TRAPPC9: variants seen among roughly 807,000 people sequenced by gnomAD.
TRAPPC9 encodes trafficking protein particle complex subunit 9.
TRAPPC9 carries 83 observed loss-of-function variants against 124.0 expected under a neutral mutation model. The ratio of observed to expected loss-of-function variants is 0.67; its 90% CI spans 0.56 to 0.80. The LOEUF is 0.80. TRAPPC9 is among the 30% of genes least tolerant of loss of function. TRAPPC9 has a pLI of 0.00. For synonymous variants in TRAPPC9, 638 were observed against 617.5 expected, an observed-to-expected ratio of 1.03 and a Z score of -0.49; for missense variants, 1,302 against 1,508.3, an observed-to-expected ratio of 0.86 and a Z score of 2.27.
intron 17 of TRAPPC9, among the ~76,000 whole-genome samples, chr8:140,157,026 T>C (rs1381588697): frequency 6.0e-4 from 60 of 99,936 alleles, no homozygotes; most frequent in East Asian, 1.4e-3. Flanking sequence ...GCCTCCCTTT[T>C]CCATTCAAAA....
chr8:140,095,929 C>T (rs1198438336), intron 17 of TRAPPC9: 1 of 152,210 alleles, frequency 6.6e-6, no homozygotes, highest in African/African-American at 2.4e-5. Context: ...CCACCACTTC[C>T]CAGCATGTAA....
At chr8:140,422,767 A>AG (rs1201688733) in intron 5 of TRAPPC9, among the ~76,000 whole-genome samples, 1 of 151,828 alleles carries the variant, frequency 6.6e-6, no homozygotes, top group East Asian at 1.9e-4. Flanking sequence ...AAAAAAAAAA[A>AG]AAACTGTTAC....
At chr8:139,800,102 G>T (rs190033900) in intron 21 of TRAPPC9, among the ~76,000 whole-genome samples, 1 of 152,360 alleles carries the variant, frequency 6.6e-6, no homozygotes, top group East Asian at 1.9e-4. Flanking sequence ...GGTGCCAAAA[G>T]ACGGAGAGGG....
At chr8:139,745,093 G>A (rs2130119428) in intron 21 of TRAPPC9, among the ~76,000 whole-genome samples, 1 of 152,354 alleles carries the variant, frequency 6.6e-6, no homozygotes, top group East Asian at 1.9e-4. Flanking sequence ...GGACCTGCTG[G>A]GGATGGTGGC....
At chr8:139,806,604 G>T (rs901076884) in intron 21 of TRAPPC9, among the ~76,000 whole-genome samples, 1 of 152,200 alleles carries the variant, frequency 6.6e-6, no homozygotes, top group Non-Finnish European at 1.5e-5. Flanking sequence ...AGCTGGGTCC[G>T]GCAGTAGCCG....
intron 15 of TRAPPC9, chr8:140,262,793 A>C (rs2131561504): frequency 6.6e-6 from 1 of 152,366 alleles, no homozygotes; most frequent in South Asian, 2.1e-4. Flanking sequence ...TGAATAATAC[A>C]AAGCCAAGTG....
intron 21 of TRAPPC9, among the ~76,000 whole-genome samples, chr8:139,749,439 TG>T (rs1056813020): frequency 2.0e-5 from 3 of 152,178 alleles, no homozygotes; most frequent in Non-Finnish European, 4.4e-5. Context: ...ATGAGAGCAA[TG>T]GGCTGAATGG....
intron 17 of TRAPPC9, among the ~76,000 whole-genome samples, chr8:140,185,755 C>T (rs541360491): frequency 2.0e-5 from 3 of 152,300 alleles, no homozygotes; most frequent in African/African-American, 7.2e-5. Flanking sequence ...CTCGGGAACC[C>T]GGCATTATTT....
chr8:139,825,571 G>A lies in TRAPPC9; in HGVS notation c.3055+60308C>T, dbSNP rs1825569389. Among the ~76,000 whole-genome samples, 1 of 152,194 alleles carries A rather than the reference G, an allele frequency of 6.6e-6. No homozygotes were observed. The highest frequency in any genetic ancestry group is 1.5e-5 in the Non-Finnish European group (1 of 68,040). On this transcript the variant is annotated intron_variant, in intron 21 of 22. Transcript: ENST00000438773. This position sits in a 1 kb window ranked among gnomAD's most constrained non-coding sequence, Gnocchi z 4.6. Reference sequence around the variant, plus strand: ...CTTAATCCCTTTGGGATCAATTAATGTTCCCAAGAAAAATGGAAATTTAAT... The same window carrying A: ...CTTAATCCCTTTGGGATCAATTAATATTCCCAAGAAAAATGGAAATTTAAT...
chr8:140,414,331 C>A (rs934422068), intron 5 of TRAPPC9, among the ~76,000 whole-genome samples: 1 of 152,102 alleles, frequency 6.6e-6, no homozygotes. Context: ...CCTAGGAGTT[C>A]GAGACCAGCA....
At chr8:140,385,783 T>C (rs1380414685) in intron 7 of TRAPPC9, among the ~76,000 whole-genome samples, 3 of 152,086 alleles carry the variant, frequency 2.0e-5, no homozygotes, top group Non-Finnish European at 2.9e-5. Context: ...TTCCAATCAA[T>C]AGAAAAAGAG....
chr8:139,809,121 G>A (rs1260589916), intron 21 of TRAPPC9, among the ~76,000 whole-genome samples: 1 of 152,178 alleles, frequency 6.6e-6, no homozygotes, highest in Non-Finnish European at 1.5e-5. Context: ...ACCCTTCTAA[G>A]GACTAGGAAA....
intron 17 of TRAPPC9, among the ~76,000 whole-genome samples, chr8:140,030,365 C>G (rs1165860167): frequency 6.6e-6 from 1 of 152,068 alleles, no homozygotes; most frequent in African/African-American, 2.4e-5. Flanking sequence ...TAATCATGTA[C>G]CAAAAACATC....
chr8:139,944,121 G>A (rs980282617), intron 19 of TRAPPC9, among the ~76,000 whole-genome samples: 3 of 152,156 alleles, frequency 2.0e-5, no homozygotes, highest in East Asian at 3.8e-4. Flanking sequence ...TATATCCAAT[G>A]AAAATATCCC....
intron 9 of TRAPPC9, among the ~76,000 whole-genome samples, chr8:140,333,057 C>G (rs2066935880): frequency 6.6e-6 from 1 of 150,452 alleles, no homozygotes; most frequent in East Asian, 2.0e-4. Context: ...ACCCGGGAGG[C>G]AGAGGTTGCA....
chr8:140,289,707 G>C (rs967859286), intron 12 of TRAPPC9, among the ~76,000 whole-genome samples: 9 of 151,980 alleles, frequency 5.9e-5, no homozygotes, highest in African/African-American at 2.2e-4. Flanking sequence ...GTGTAAGAAA[G>C]AGCAGCAGGC....
At chr8:140,393,391 A>G (rs1316815388) in intron 7 of TRAPPC9, among the ~76,000 whole-genome samples, 1 of 152,190 alleles carries the variant, frequency 6.6e-6, no homozygotes, top group African/African-American at 2.4e-5. Flanking sequence ...GCTTGTAAAA[A>G]TCCACATGTC....
intron 21 of TRAPPC9, among the ~76,000 whole-genome samples, chr8:139,846,749 C>G (rs886829866): frequency 1.1e-4 from 16 of 152,192 alleles, no homozygotes; most frequent in African/African-American, 3.9e-4. Context: ...CATTCCCATC[C>G]TCCCTCATCC....
intron 7 of TRAPPC9, among the ~76,000 whole-genome samples, chr8:140,381,401 C>T (rs1276096522): frequency 2.6e-5 from 4 of 152,034 alleles, no homozygotes; most frequent in Admixed American, 1.3e-4. Context: ...GGCGCAGTGG[C>T]TCGCGCCTGT....
Sources: gnomAD v4.1 joint callset for allele counts (sites outside exome capture counted in the v4.1 genomes callset) on GRCh38, gnomAD v4.1.1 for gene constraint, Gnocchi (gnomAD v3.1) non-coding constraint, MANE v1.5 for transcripts, NCBI Gene and HGNC (gene_info 2026-07-23, HGNC 2026-07-21) for gene names.